Variants in CEP44 observed in about 807,000 individuals in gnomAD.
The protein encoded by CEP44 is centrosomal protein of 44 kDa.
A neutral mutation model predicts 46.7 loss-of-function variants in CEP44; 45 were observed. The observed-to-expected ratio is 0.96, with a 90% CI of 0.76 to 1.24. The LOEUF is 1.24. CEP44 is among the 50% of genes most tolerant of loss of function. The pLI is 0.00. For synonymous variants in CEP44, 142 were observed against 146.0 expected (o/e 0.97, Z 0.20); for missense variants, 475 against 459.7 (o/e 1.03, Z -0.30).
chr4:174,289,060 A>G (rs1737872942), intron 1 of CEP44, among the ~76,000 whole-genome samples: 1 of 152,172 alleles, frequency 6.6e-6, no homozygotes, highest in Non-Finnish European at 1.5e-5. Flanking sequence ...AGTATATTAC[A>G]TTGGTTGGTT....
intron 1 of CEP44, among the ~76,000 whole-genome samples, chr4:174,294,588 C>T (rs1432687665): frequency 9.3e-5 from 14 of 150,482 alleles, no homozygotes; most frequent in African/African-American, 2.2e-4. Context: ...GGTGGCTGGG[C>T]AGAGGGGCTC....
At chr4:174,292,255 A>G (rs1300227285) in intron 1 of CEP44, among the ~76,000 whole-genome samples, 3 of 152,154 alleles carry the variant, frequency 2.0e-5, no homozygotes, top group Non-Finnish European at 2.9e-5. Flanking sequence ...GTTATATGAA[A>G]TAAGTTACTT....
At chr4:174,296,069 G>A (rs1157064098) in intron 1 of CEP44, among the ~76,000 whole-genome samples, 1 of 152,142 alleles carries the variant, frequency 6.6e-6, no homozygotes, top group Non-Finnish European at 1.5e-5. Context: ...CCTTGCTTTA[G>A]TATAGAATTC....
At chr4:174,300,163 A>T (rs1421599646) in intron 3 of CEP44, among the ~76,000 whole-genome samples, 1 of 152,176 alleles carries the variant, frequency 6.6e-6, no homozygotes, top group African/African-American at 2.4e-5. Context: ...GGCTTTACAT[A>T]TAAGAATGGA....
intron 9 of CEP44, among the ~76,000 whole-genome samples, chr4:174,313,397 G>A (rs901641564): frequency 5.8e-5 from 6 of 103,460 alleles, no homozygotes; most frequent in South Asian, 2.7e-4. Context: ...AAAAAAAAAG[G>A]TGTGCTACCA....
intron 10 of CEP44, 91 bp downstream of exon 10, chr4:174,316,381 C>A: frequency 1.4e-6 from 2 of 1,421,110 alleles, no homozygotes; most frequent in Non-Finnish European, 2.0e-6. Flanking sequence ...AGAAAAATAG[C>A]AAACGCGAAT....
rs70947423 is a variant in CEP44 at position 174,297,651 on chromosome 4, AGTGTGTGTGTGT to A, written c.-147-292_-147-281del. Among the ~76,000 whole-genome samples the A allele has an allele frequency of 2.8e-3, 411 of 149,064 alleles. 9 individuals carry two copies. In the East Asian group the frequency reaches 0.038, roughly 14 times the overall value. The stretch of plus-strand genomic sequence containing the variant: ...CTGAGATATAGGAAGAAACTTTATT[AGTGTGTGTGTGT>A]GTGTGTGTGTGTGTGTGTGTGTTTT... On this transcript the variant is annotated intron_variant, in intron 1 of 11. Transcript: ENST00000503780. The surrounding 1 kb of genome is among the most constrained non-coding windows in gnomAD (Gnocchi z 4.3).
rs1417168092 is a variant in CEP44, at chr4:174,332,259, T to C, written c.*664T>C. Reference sequence around the variant, plus strand: ...CGGTGTTCCATATTAAATACAGCAATATGAAGAAAAATAAATTAAGTCCCT... The same window carrying C: ...CGGTGTTCCATATTAAATACAGCAACATGAAGAAAAATAAATTAAGTCCCT... On this transcript the variant is annotated 3_prime_UTR_variant, in exon 9 of 9. Transcript: ENST00000426172. 2.0e-5 allele frequency: 3 copies of C among 152,274 alleles called. No individual in the cohort carries two copies. In the East Asian group the frequency reaches 5.8e-4, roughly 29 times the overall value. 9.4% of individuals were successfully genotyped at this position (152,274 alleles called of 1,614,324 possible).
intron 6 of CEP44, among the ~76,000 whole-genome samples, chr4:174,305,096 T>A (rs1308539806): frequency 6.6e-6 from 1 of 152,224 alleles, no homozygotes; most frequent in Admixed American, 6.5e-5. Flanking sequence ...TGAAGTATAA[T>A]CTAGAGTATT....
chr4:174,327,204 GAGAA>G (rs1024256077), intron 8 of CEP44, among the ~76,000 whole-genome samples: 11 of 145,582 alleles, frequency 7.6e-5, no homozygotes, highest in Non-Finnish European at 1.2e-4. Flanking sequence ...GAGAGAGAGA[GAGAA>G]AAAACAGATA....
rs1731201447 is a variant in CEP44 at position 174,329,535 on chromosome 4, A to ATT, written c.1087-1944_1087-1943dup. Among the ~76,000 whole-genome samples the ATT allele has an allele frequency of 1.3e-5, 2 of 152,152 alleles. No individual in the cohort carries two copies. The highest frequency in any genetic ancestry group is 2.9e-5 in the Non-Finnish European group (2 of 68,014). On this transcript the variant is annotated intron_variant, in intron 8 of 8. Coordinates refer to the CEP44 transcript ENST00000426172. The surrounding 1 kb of genome is among the most constrained non-coding windows in gnomAD (Gnocchi z 4.0). ...TTGTCAATGTTGAAATATATTTGGT[A>ATT]TTTTAGCATTATCTTGCTTCCAGGA...
In CEP44 at chr4:174,317,922, A is replaced by G; in HGVS notation, c.*539A>G. The G allele has an allele frequency of 1.0e-6, 1 of 985,440 alleles. No individual in the cohort carries two copies. Among genetic ancestry groups the G allele is most frequent in the Non-Finnish European group, 1.2e-6 (1 of 829,908 alleles). The allele number at this position is 985,440 out of a possible 1,614,324, so 61.0% of individuals were successfully genotyped here. On this transcript the variant is annotated 3_prime_UTR_variant, in exon 12 of 12. Coordinates refer to ENST00000503780, the MANE Select transcript of CEP44 (RefSeq NM_001040157.3). ...AAACATCAATACCTTTCCAATTAAC[A>G]CTGAGAAATTAAGGTTAAGATTCTC...
In CEP44 at chr4:174,317,924, T is replaced by G; in HGVS notation, c.*541T>G. On this transcript the variant is annotated 3_prime_UTR_variant, in exon 12 of 12. Coordinates refer to ENST00000503780, the MANE Select transcript of CEP44 (RefSeq NM_001040157.3). The stretch of plus-strand genomic sequence containing the variant: ...ACATCAATACCTTTCCAATTAACAC[T>G]GAGAAATTAAGGTTAAGATTCTCCT... 1 of 985,504 alleles carries G rather than the reference T, an allele frequency of 1.0e-6. No homozygotes were observed. The highest frequency in any genetic ancestry group is 1.2e-6 in the Non-Finnish European group (1 of 829,928). The allele number at this position is 985,504 out of a possible 1,614,324, so 61.0% of individuals were successfully genotyped here.
At position 174,319,829 on chromosome 4, in the gene CEP44, G is replaced by A. The variant is rs1742146168; in HGVS notation, c.*2446G>A. 1 of 983,700 alleles carries A rather than the reference G, an allele frequency of 1.0e-6. No homozygotes were observed. Among genetic ancestry groups the A allele is most frequent in the Non-Finnish European group, 1.2e-6 (1 of 828,522 alleles). 60.9% of individuals were successfully genotyped at this position (983,700 alleles called of 1,614,324 possible). ...AAATAAAGCAAATTCAACTTTATTG[G>A]AGTTATTGGACAGATCAGCAAATTG... On this transcript the variant is annotated 3_prime_UTR_variant, in exon 12 of 12. Transcript: ENST00000503780.
rs1027871260 is a variant in CEP44, at chr4:174,297,371, C to T, written c.-147-595C>T. On this transcript the variant is annotated intron_variant, in intron 1 of 11. Coordinates refer to ENST00000503780, the MANE Select transcript of CEP44 (RefSeq NM_001040157.3). The surrounding 1 kb of genome is among the most constrained non-coding windows in gnomAD (Gnocchi z 4.3). The stretch of plus-strand genomic sequence containing the variant: ...TATATACTTTTCATACTGAAGCTTC[C>T]CTCTAATAGTTATTGACCTTTGGGC... Among the ~76,000 whole-genome samples, 1 of 151,930 alleles carries T rather than the reference C, an allele frequency of 6.6e-6. No individual in the cohort carries two copies. Among genetic ancestry groups the T allele is most frequent in the East Asian group, 1.9e-4 (1 of 5,168 alleles).
exon 9 of CEP44, chr4:174,332,623 A>G (rs372684542): frequency 6.6e-6 from 1 of 152,330 alleles, no homozygotes; most frequent in African/African-American, 2.4e-5. Flanking sequence ...AAAGTGTCAG[A>G]TATTTTATGG....
rs1741965431 is a variant in CEP44, at chr4:174,318,306, G to C, written c.*923G>C. The C allele has an allele frequency of 1.0e-6, 1 of 984,294 alleles. No individual in the cohort carries two copies. Among genetic ancestry groups the C allele is most frequent in the Non-Finnish European group, 1.2e-6 (1 of 829,114 alleles). The allele number at this position is 984,294 out of a possible 1,614,324, so 61.0% of individuals were successfully genotyped here. A position where few individuals can be genotyped will look rare whatever the true frequency, so the allele number is the denominator to read the frequency against. On this transcript the variant is annotated 3_prime_UTR_variant, in exon 12 of 12. Coordinates refer to ENST00000503780, the MANE Select transcript of CEP44 (RefSeq NM_001040157.3). ...TCAAACTCCTGACCTCAGGTGATCTGCCTGTCTTGGCCTCCGGCGTAACAC... is the reference window on the plus strand; with the variant it reads ...TCAAACTCCTGACCTCAGGTGATCTCCCTGTCTTGGCCTCCGGCGTAACAC...
Position 174,309,780 on chromosome 4 carries a change from T to G in CEP44, c.679-70T>G. Reference sequence around the variant, plus strand: ...AACTGTTGAGATAACGCTGTGGAAGTGAGAATACATTAATTTTAAAGAAAT... The same window carrying G: ...AACTGTTGAGATAACGCTGTGGAAGGGAGAATACATTAATTTTAAAGAAAT... On this transcript the variant is annotated intron_variant, in intron 7 of 11. Transcript: ENST00000503780. This position sits in a 1 kb window ranked among gnomAD's most constrained non-coding sequence, Gnocchi z 5.3. 9.5e-7 allele frequency: 1 copy of G among 1,050,086 alleles called. No individual in the cohort carries two copies. Among genetic ancestry groups the G allele is most frequent in the Non-Finnish European group, 1.4e-6 (1 of 710,478 alleles). 65.0% of individuals were successfully genotyped at this position (1,050,086 alleles called of 1,614,324 possible). A position where few individuals can be genotyped will look rare whatever the true frequency, so the allele number is the denominator to read the frequency against.
intron 10 of CEP44, 103 bp downstream of exon 10, chr4:174,316,393 T>G: frequency 1.4e-6 from 2 of 1,393,540 alleles, no homozygotes; most frequent in South Asian, 1.2e-5. Context: ...AACGCGAATC[T>G]TAGTCTCTCA....
Sources: allele counts gnomAD v4.1 joint callset (sites outside exome capture counted in the v4.1 genomes callset), GRCh38; gene constraint gnomAD v4.1.1; non-coding constraint Gnocchi (gnomAD v3.1); transcripts MANE v1.5; gene names NCBI Gene and HGNC (gene_info 2026-07-23, HGNC 2026-07-21).